The following RPP40 variants were observed in gnomAD, a reference collection of about 807,000 sequenced individuals.
RPP40 encodes the protein ribonuclease P/MRP subunit p40, also known as ribonuclease P protein subunit p40.
RPP40 carries 30 observed loss-of-function variants against 42.5 expected under a neutral mutation model. The observed-to-expected ratio is 0.71, with a 90% CI of 0.53 to 0.96. RPP40 has a LOEUF of 0.96. Ranked by LOEUF, RPP40 falls within the 40% of genes least tolerant of loss-of-function variation. The pLI, the probability that RPP40 is intolerant of heterozygous loss-of-function variation, is 0.00. For synonymous variants in RPP40, 173 were observed against 164.0 expected (o/e 1.05, Z -0.42); for missense variants, 426 against 433.5 (o/e 0.98, Z 0.15).
Position 4,996,083 on chromosome 6 carries a change from T to C in RPP40, c.761A>G (p.Asn254Ser). 6.2e-7 allele frequency: 1 copy of C among 1,613,834 alleles called. No homozygotes were observed. The highest frequency in any genetic ancestry group is 1.6e-4 in the Middle Eastern group (1 of 6,062). Reference sequence around the variant, plus strand: ...TGATATGAAATTATTAGGCTCATTATTTCTGTCACCAAAAAAATAAAAGAG... The same window carrying C: ...TGATATGAAATTATTAGGCTCATTACTTCTGTCACCAAAAAAATAAAAGAG... ...LGAVFSNVDL[N>S]NEPNNFISTY... The change falls in exon 7 of 8, where the codon AAT becomes AGT. Residue 254 changes from asparagine to serine, a missense_variant and splice_region_variant. By Grantham distance (46) the Asn-to-Ser change is conservative. Coordinates refer to ENST00000380051, the MANE Select transcript of RPP40 (RefSeq NM_006638.4).
downstream of RPP40, among the ~76,000 whole-genome samples, chr6:4,994,391 T>C (rs1338839619): frequency 9.2e-6 from 1 of 108,512 alleles, no homozygotes; most frequent in East Asian, 5.7e-4. Flanking sequence ...AAACTTAAAG[T>C]ATAATAAAAA....
intron 2 of RPP40, chr6:5,001,021 C>T (rs1173281037): frequency 2.2e-6 from 1 of 462,944 alleles, no homozygotes; most frequent in Non-Finnish European, 4.3e-6. Context: ...AGCTAGTTCA[C>T]TCCCTGACCA....
chr6:5,001,897 G>A (rs1367951648), intron 2 of RPP40: 1 of 511,410 alleles, frequency 2.0e-6, no homozygotes, highest in Non-Finnish European at 3.5e-6. Context: ...CAACACTTGT[G>A]GCCAATTGCA....
intron 5 of RPP40, among the ~76,000 whole-genome samples, chr6:4,997,180 G>T (rs1054183213): frequency 3.9e-5 from 6 of 152,200 alleles, no homozygotes; most frequent in African/African-American, 1.4e-4. Flanking sequence ...AACCTGACTG[G>T]ATGAAGGGTC....
rs1455069294 is a variant in RPP40, at chr6:5,003,299, AT to A, written c.123+580del. On this transcript the variant is annotated intron_variant, in intron 1 of 7. Transcript: ENST00000380051. The stretch of plus-strand genomic sequence containing the variant: ...GAGGCGGAGCCTGCAGTGAGCCGAG[AT>A]CGCGCCACTGCACTCCAGCCTGGGC... 2.9e-5 allele frequency among the ~76,000 whole-genome samples: 4 copies of A among 135,792 alleles called. No homozygotes were observed. In the East Asian group the frequency reaches 7.0e-4, roughly 24 times the overall value. 89.1% of individuals were successfully genotyped at this position (135,792 alleles called of 152,430 possible).
In RPP40 at chr6:5,002,133, G is replaced by A. The variant is rs1446592675; in HGVS notation, c.236C>T (p.Thr79Ile). 2 of 1,611,642 alleles carry A rather than the reference G, an allele frequency of 1.2e-6. No homozygotes were observed. Among genetic ancestry groups the A allele is most frequent in the Non-Finnish European group, 1.7e-6 (2 of 1,177,884 alleles). ...VKNLPLHELI[T>I]PEFISTFIKK... ...TATAAAGGTACTGATGAATTCAGGT[G>A]TAATTAATTCATGAAGAGGTAAATT... The change falls in exon 2 of 8, where the codon ACA (threonine) becomes ATA (isoleucine). Residue 79 changes from threonine (T) to isoleucine (I), a missense_variant. Coordinates refer to ENST00000380051, the MANE Select transcript of RPP40 (RefSeq NM_006638.4).
intron 1 of RPP40, 141 bp downstream of exon 1, chr6:5,003,739 A>T: frequency 9.1e-7 from 1 of 1,098,428 alleles, no homozygotes. Flanking sequence ...AGAGACTACA[A>T]CTCCCAGCAA....
intron 1 of RPP40, chr6:5,003,560 A>G (rs1362868030): frequency 4.4e-6 from 1 of 228,410 alleles, no homozygotes; most frequent in Middle Eastern, 1.4e-3. Context: ...CCCGGCCCTG[A>G]ACCTCGAATC....
At chr6:4,997,870 A>G (rs1759428178) in intron 5 of RPP40, among the ~76,000 whole-genome samples, 2 of 152,166 alleles carry the variant, frequency 1.3e-5, no homozygotes, top group Admixed American at 6.5e-5. Context: ...CAAATCCTTA[A>G]AATAGTTAGG....
downstream of RPP40, among the ~76,000 whole-genome samples, chr6:4,989,980 G>A (rs368233151): frequency 5.9e-5 from 9 of 152,286 alleles, no homozygotes; most frequent in African/African-American, 2.2e-4. Flanking sequence ...GAACAGAGGC[G>A]GTAAAAGCAG....
chr6:5,003,858 A>G, intron 1 of RPP40, 22 bp downstream of exon 1: 1 of 1,596,342 alleles, frequency 6.3e-7, no homozygotes, highest in South Asian at 1.1e-5. Context: ...CGGCCCGAAA[A>G]GCCGAGGACA....
In RPP40 at chr6:4,996,268, G is replaced by A. The variant is rs775134187; in HGVS notation, c.712C>T (p.Leu238=). 5 of 1,613,962 alleles carry A rather than the reference G, an allele frequency of 3.1e-6. No homozygotes were observed. The Admixed American group carries it at 5.0e-5, about 16-fold the overall frequency. ...GCGCCGAGCCAGTCGAAGAGCTCCA[G>A]AGCCCGGCAGGACACCTCTGGCGTT... The part of the protein sequence containing the change: ...EGTPEVSCRA[L]ELFDWLGAVF... The change falls in exon 6 of 8, where the codon CTG becomes TTG. Residue 238 remains leucine, a synonymous_variant. Coordinates refer to ENST00000380051, the MANE Select transcript of RPP40 (RefSeq NM_006638.4).
At position 5,003,940 on chromosome 6, in the gene RPP40, G is replaced by A; in HGVS notation, c.63C>T (p.Asn21=). 1 of 1,613,730 alleles carries A rather than the reference G, an allele frequency of 6.2e-7. No homozygotes were observed. The highest frequency in any genetic ancestry group is 8.5e-7 in the Non-Finnish European group (1 of 1,179,778). ...GGTGGCGCGACTTGTGGTTGCCGAAGTTGGATTTCTCGCAAACCAGTAAGT... is the reference window on the plus strand; with the variant it reads ...GGTGGCGCGACTTGTGGTTGCCGAAATTGGATTTCTCGCAAACCAGTAAGT... ...PRHLLVCEKS[N]FGNHKSRHRH... is the part of the protein sequence containing the mutation. The change falls in exon 1 of 8, where the codon AAC becomes AAT. Residue 21 remains asparagine (N), a synonymous_variant. Coordinates refer to ENST00000380051, the MANE Select transcript of RPP40 (RefSeq NM_006638.4).
At position 4,996,433 on chromosome 6, in the gene RPP40, C is replaced by A. The variant is rs1759386996; in HGVS notation, c.560-13G>T. On this transcript the variant is annotated splice_polypyrimidine_tract_variant and intron_variant, in intron 5 of 7. Coordinates refer to ENST00000380051, the MANE Select transcript of RPP40 (RefSeq NM_006638.4). Reference sequence around the variant, plus strand: ...GATTCTTCTGAACCTTAAAAACACACCACACAAGGCCATTTGAATCCATCT... The same window carrying A: ...GATTCTTCTGAACCTTAAAAACACAACACACAAGGCCATTTGAATCCATCT... 6.2e-7 allele frequency: 1 copy of A among 1,611,008 alleles called. No individual in the cohort carries two copies. Among genetic ancestry groups the A allele is most frequent in the South Asian group, 1.1e-5 (1 of 90,910 alleles).
At chr6:4,992,071 C>G (rs1759268039), downstream of RPP40, among the ~76,000 whole-genome samples, 1 of 152,134 alleles carries the variant, frequency 6.6e-6, no homozygotes, top group East Asian at 1.9e-4. Context: ...GGTGTGGTGG[C>G]CCATGCCTGT....
chr6:5,001,612 A>G lies in RPP40; in HGVS notation c.268+489T>C, dbSNP rs575240816. 3.9e-5 allele frequency among the ~76,000 whole-genome samples: 6 copies of G among 152,314 alleles called. No homozygotes were observed. The East Asian group carries it at 1.2e-3, about 29-fold the overall frequency. ...AACAAACCAGTCCAACCCAGCAGAT[A>G]TGGGTGGAAATGGGGTGAGTAGAGG... is the stretch of plus-strand genomic sequence containing the variant. On this transcript the variant is annotated intron_variant, in intron 2 of 7. Coordinates refer to ENST00000380051, the MANE Select transcript of RPP40 (RefSeq NM_006638.4).
intron 2 of RPP40, 107 bp downstream of exon 2, chr6:5,001,994 A>G: frequency 1.0e-6 from 1 of 970,472 alleles, no homozygotes; most frequent in Non-Finnish European, 1.6e-6. Context: ...CACACAGACT[A>G]TACCACAGGC....
At chr6:4,997,587 GT>G (rs1477363699) in intron 5 of RPP40, among the ~76,000 whole-genome samples, 1 of 152,182 alleles carries the variant, frequency 6.6e-6, no homozygotes, top group South Asian at 2.1e-4. Flanking sequence ...CAGACAGCCT[GT>G]CGTGGGACTC....
chr6:4,992,496 T>C (rs1417007576), downstream of RPP40, among the ~76,000 whole-genome samples: 3 of 152,264 alleles, frequency 2.0e-5, no homozygotes, highest in Non-Finnish European at 2.9e-5. Flanking sequence ...TGGGAATTAC[T>C]TTTTGCTCTA....
Sources: gnomAD v4.1 joint callset for allele counts (sites outside exome capture counted in the v4.1 genomes callset) on GRCh38, gnomAD v4.1.1 for gene constraint, MANE v1.5 for transcripts, NCBI Gene and HGNC (gene_info 2026-07-23, HGNC 2026-07-21) for gene names.